Variants in RUVBL1 observed in about 807,000 individuals in gnomAD.
RUVBL1 encodes the protein ruvB-like 1.
Under a neutral mutation model 52.4 loss-of-function variants are expected in RUVBL1, and 4 were observed. The ratio of observed to expected loss-of-function variants is 0.08; its 90% confidence interval spans 0.04 to 0.17. The LOEUF (loss-of-function observed/expected upper bound fraction) is 0.17. RUVBL1 is among the 10% of genes least tolerant of loss of function. RUVBL1 has a pLI of 1.00. For missense variants in RUVBL1, 298 were observed against 572.8 expected (o/e 0.52, Z 4.90); for synonymous variants, 217 against 214.4 (o/e 1.01, Z -0.10).
At chr3:128,072,696 G>A (rs1215298199) in intron 9 of RUVBL1, among the ~76,000 whole-genome samples, 1 of 152,188 alleles carries the variant, frequency 6.6e-6, no homozygotes, top group Non-Finnish European at 1.5e-5. Context: ...GGCAGGCAGG[G>A]TGCTTGCCAG....
upstream of RUVBL1, chr3:128,124,009 G>T: frequency 3.0e-6 from 2 of 664,216 alleles, no homozygotes; most frequent in Non-Finnish European, 3.7e-6. Context: ...AGCACAGTGG[G>T]ACCACGCCCC....
intron 4 of RUVBL1, among the ~76,000 whole-genome samples, chr3:128,102,267 G>C (rs1205252952): frequency 1.2e-4 from 18 of 152,232 alleles, no homozygotes; most frequent in African/African-American, 4.3e-4. Flanking sequence ...GTAATTCAAA[G>C]AAAAACATAA....
chr3:128,124,342 CTG>C (rs1943748621), upstream of RUVBL1, among the ~76,000 whole-genome samples: 1 of 151,880 alleles, frequency 6.6e-6, no homozygotes, highest in Non-Finnish European at 1.5e-5. Flanking sequence ...GTTCAGTTGA[CTG>C]TAAATAACAT....
At chr3:128,075,420 A>G (rs1559802751) in intron 9 of RUVBL1, among the ~76,000 whole-genome samples, 1 of 152,218 alleles carries the variant, frequency 6.6e-6, no homozygotes, top group Admixed American at 6.5e-5. Flanking sequence ...GTGTCGAGGT[A>G]GGTTTTCACG....
rs527782899 is a variant in RUVBL1, at chr3:128,099,657, G to A, written c.754-712C>T. 4.6e-5 allele frequency among the ~76,000 whole-genome samples: 7 copies of A among 152,276 alleles called. No homozygotes were observed. In the South Asian group the frequency reaches 1.5e-3, roughly 32 times the overall value. ...AGGCTGGTGTTTGGTCATTTATTCA[G>A]CATTTAGTGATCACCTGTTGGTTAC... On this transcript the variant is annotated intron_variant, in intron 6 of 10. Coordinates refer to ENST00000322623, the MANE Select transcript of RUVBL1 (RefSeq NM_003707.3).
intron 1 of RUVBL1, among the ~76,000 whole-genome samples, chr3:128,132,192 G>C (rs1943886744): frequency 6.6e-6 from 1 of 152,206 alleles, no homozygotes; most frequent in African/African-American, 2.4e-5. Context: ...AGAGCATTTA[G>C]ACAAGCCCTA....
At chr3:128,141,031 T>C (rs1944013298) in intron 1 of RUVBL1, among the ~76,000 whole-genome samples, 1 of 152,216 alleles carries the variant, frequency 6.6e-6, no homozygotes. Context: ...TTGTTTTTAT[T>C]GTATTTATTT....
At chr3:128,153,863 G>C (rs1439030336) in exon 1 of RUVBL1, 2 of 1,462,814 alleles carry the variant, frequency 1.4e-6, no homozygotes, top group Middle Eastern at 2.3e-4. Context: ...TCAGGGACGC[G>C]GGCGGAGCGA....
intron 2 of RUVBL1, among the ~76,000 whole-genome samples, chr3:128,119,108 T>A (rs1943587384): frequency 6.6e-6 from 1 of 152,160 alleles, no homozygotes; most frequent in Non-Finnish European, 1.5e-5. Flanking sequence ...TGAGACCCCT[T>A]CAAGGACTTC....
At chr3:128,140,103 T>C (rs1244806323) in intron 1 of RUVBL1, among the ~76,000 whole-genome samples, 1 of 152,052 alleles carries the variant, frequency 6.6e-6, no homozygotes, top group Non-Finnish European at 1.5e-5. Flanking sequence ...GATGTGATTA[T>C]ACATTGTATG....
At position 128,102,472 on chromosome 3, in the gene RUVBL1, C is replaced by A. The variant is rs138919270; in HGVS notation, c.514-824G>T. On this transcript the variant is annotated intron_variant, in intron 4 of 10. Transcript: ENST00000322623. ...ATTCTATAGTTAAACACAAGTTTCT[C>A]GAGGTCTTCATGGAGATCTATGTTA... Among the ~76,000 whole-genome samples, 244 of 152,298 alleles carry A rather than the reference C, an allele frequency of 1.6e-3. 1 individual carries two copies. Among genetic ancestry groups the A allele is most frequent in the African/African-American group, 5.4e-3 (226 of 41,568 alleles).
At position 128,067,945 on chromosome 3, in the gene RUVBL1, C is replaced by T; in HGVS notation, c.940-2725G>A. 1 of 1,560,412 alleles carries T rather than the reference C, an allele frequency of 6.4e-7. No individual in the cohort carries two copies. Among genetic ancestry groups the T allele is most frequent in the Non-Finnish European group, 8.8e-7 (1 of 1,131,320 alleles). ...CTTGGAATGCCTATTTCCCCTTCAG[C>T]CTCCAATTCCAACTTCTCCCCTGTG... On this transcript the variant is annotated intron_variant, in intron 9 of 9. Transcript: ENST00000464873. The surrounding 1 kb of genome is among the most constrained non-coding windows in gnomAD (Gnocchi z 4.1).
At chr3:128,119,140 G>A (rs1943587954) in intron 2 of RUVBL1, among the ~76,000 whole-genome samples, 188 bp downstream of exon 2, 1 of 152,158 alleles carries the variant, frequency 6.6e-6, no homozygotes, top group Admixed American at 6.5e-5. Context: ...TCTGGAGGTA[G>A]GCCAGGATAA....
intron 2 of RUVBL1, among the ~76,000 whole-genome samples, chr3:128,114,680 G>A (rs1943475701): frequency 6.6e-6 from 1 of 152,178 alleles, no homozygotes; most frequent in African/African-American, 2.4e-5. Flanking sequence ...TGCCTCATTA[G>A]GCATCTGCAC....
intron 1 of RUVBL1, among the ~76,000 whole-genome samples, chr3:128,150,267 T>C (rs1576494725): frequency 6.6e-6 from 1 of 152,102 alleles, no homozygotes; most frequent in African/African-American, 2.4e-5. Context: ...TCAATCAATA[T>C]TTGTTAGAAT....
At chr3:128,094,164 G>C (rs952169301) in intron 8 of RUVBL1, among the ~76,000 whole-genome samples, 1 of 152,216 alleles carries the variant, frequency 6.6e-6, no homozygotes, top group African/African-American at 2.4e-5. Flanking sequence ...GTAAGATTCA[G>C]AGAGGTCAAG....
chr3:128,152,716 CCG>C (rs1944243383), intron 1 of RUVBL1, among the ~76,000 whole-genome samples: 1 of 152,140 alleles, frequency 6.6e-6, no homozygotes, highest in Non-Finnish European at 1.5e-5. Context: ...AAGAATGGAG[CCG>C]CGGACCTTCG....
intron 2 of RUVBL1, among the ~76,000 whole-genome samples, chr3:128,115,930 A>G (rs1943511849): frequency 6.6e-6 from 1 of 151,990 alleles, no homozygotes; most frequent in African/African-American, 2.4e-5. Flanking sequence ...GTTCAAGACC[A>G]GCCTGGGCAA....
intron 8 of RUVBL1, among the ~76,000 whole-genome samples, chr3:128,093,495 T>G (rs79822971): frequency 2.8e-5 from 4 of 145,336 alleles, no homozygotes; most frequent in Non-Finnish European, 6.1e-5. Flanking sequence ...ATAAAGTTGG[T>G]TTTTTTTTTT....
Sources: gnomAD v4.1 joint callset for allele counts (sites outside exome capture counted in the v4.1 genomes callset) on GRCh38, gnomAD v4.1.1 for gene constraint, Gnocchi (gnomAD v3.1) non-coding constraint, MANE v1.5 for transcripts, NCBI Gene and HGNC (gene_info 2026-07-23, HGNC 2026-07-21) for gene names.